The following PDZD8 variants were observed in gnomAD, a reference collection of about 807,000 sequenced individuals.
The protein encoded by PDZD8 is PDZ domain containing 8.
In PDZD8, 14 loss-of-function variants were observed where a neutral mutation model predicts 85.8. That is an observed-to-expected ratio of 0.16 (90% CI 0.11 to 0.26). The LOEUF is 0.26. PDZD8 is among the 10% of genes least tolerant of loss of function. The pLI is 1.00. For synonymous variants in PDZD8, 592 were observed against 568.6 expected (o/e 1.04, Z -0.59); for missense variants, 1,197 against 1,424.3 (o/e 0.84, Z 2.57).
intron 2 of PDZD8, among the ~76,000 whole-genome samples, chr10:117,332,629 C>T (rs992255139): frequency 7.3e-5 from 11 of 151,252 alleles, no homozygotes; most frequent in African/African-American, 2.4e-4. Flanking sequence ...GCCTCAGCCT[C>T]CCGAGTAACT....
At chr10:117,363,216 C>T (rs981699473) in intron 1 of PDZD8, among the ~76,000 whole-genome samples, 2 of 151,958 alleles carry the variant, frequency 1.3e-5, no homozygotes, top group African/African-American at 2.4e-5. Flanking sequence ...GTAGTAAGAC[C>T]GTATAGTCAG....
chr10:117,304,253 T>G (rs1345643019), intron 3 of PDZD8, among the ~76,000 whole-genome samples: 1 of 152,176 alleles, frequency 6.6e-6, no homozygotes, highest in East Asian at 1.9e-4. Flanking sequence ...GCTTTAAAAT[T>G]TGACTGCCCT....
At chr10:117,319,454 C>A (rs914705568) in intron 2 of PDZD8, among the ~76,000 whole-genome samples, 21 of 149,872 alleles carry the variant, frequency 1.4e-4, no homozygotes, top group Admixed American at 2.7e-4. Context: ...ACTAATGTGA[C>A]CTCAGGCAAA....
rs540116092 is a variant in PDZD8, at chr10:117,374,150, G to A, written c.872+206C>T. On this transcript the variant is annotated intron_variant, in intron 1 of 4. Coordinates refer to ENST00000334464, the MANE Select transcript of PDZD8 (RefSeq NM_173791.5). The surrounding 1 kb of genome is among the most constrained non-coding windows in gnomAD (Gnocchi z 7.8). ...GCACCCTGAGTCCCCATGAACACGC[G>A]AAAAGGTTTCTAGCTCCTATCAATG... Among the ~76,000 whole-genome samples the A allele has an allele frequency of 6.6e-6, 1 of 152,300 alleles. No individual in the cohort carries two copies. The highest frequency in any genetic ancestry group is 2.1e-4 in the South Asian group (1 of 4,822).
Position 117,280,691 on chromosome 10 carries a change from A to T in PDZD8, c.*2577T>A, listed in dbSNP as rs967628814. 6.6e-6 allele frequency: 1 copy of T among 152,242 alleles called. No individual in the cohort carries two copies. The highest frequency in any genetic ancestry group is 6.5e-5 in the Admixed American group (1 of 15,286). The allele number at this position is 152,242 out of a possible 1,614,324, so 9.4% of individuals were successfully genotyped here. On this transcript the variant is annotated 3_prime_UTR_variant, in exon 5 of 5. Coordinates refer to ENST00000334464, the MANE Select transcript of PDZD8 (RefSeq NM_173791.5). ...TCTCTACTGCCTCTCCCAGTGAAAT[A>T]TAAAAATATTGCACTACATTACAGA...
At chr10:117,345,993 C>T (rs947769984) in intron 1 of PDZD8, among the ~76,000 whole-genome samples, 2 of 152,056 alleles carry the variant, frequency 1.3e-5, no homozygotes, top group Admixed American at 6.5e-5. Flanking sequence ...GTAATCCCAG[C>T]ACTTTGGGAG....
At chr10:117,294,971 T>C (rs1269864721) in intron 3 of PDZD8, among the ~76,000 whole-genome samples, 1 of 152,156 alleles carries the variant, frequency 6.6e-6, no homozygotes, top group Non-Finnish European at 1.5e-5. Context: ...GTATTGTATA[T>C]TCCAAAATAG....
chr10:117,364,181 G>GGTGTGTGTGT (rs71938439), intron 1 of PDZD8, among the ~76,000 whole-genome samples: 4 of 148,984 alleles, frequency 2.7e-5, no homozygotes, highest in African/African-American at 9.9e-5. Context: ...ATAATTTATG[G>GGTGTGTGTGT]GTGTGTGTGT....
At position 117,284,419 on chromosome 10, in the gene PDZD8, G is replaced by A. The variant is rs748824647; in HGVS notation, c.2314C>T (p.Arg772Cys). The A allele has an allele frequency of 6.8e-6, 11 of 1,614,040 alleles. No homozygotes were observed. The highest frequency in any genetic ancestry group is 5.1e-6 in the Non-Finnish European group (6 of 1,180,024). The change falls in exon 5 of 5, where the codon CGC becomes TGC. Residue 772 changes from arginine (R) to cysteine (C), a missense_variant. By Grantham distance (180) the Arg-to-Cys change is radical. Coordinates refer to ENST00000334464, the MANE Select transcript of PDZD8 (RefSeq NM_173791.5). ...PKAIVTRTAL[R>C]NLSMQKGFND... ...AATCCCTTTTGCATACTCAGATTGC[G>A]TAGTGCGGTTCTAGTGACTATAGCC...
At chr10:117,295,254 T>G (rs1215074430) in intron 3 of PDZD8, among the ~76,000 whole-genome samples, 1 of 152,154 alleles carries the variant, frequency 6.6e-6, no homozygotes, top group Admixed American at 6.6e-5. Context: ...CTTATAAGCA[T>G]GTCTCTTTGC....
At chr10:117,311,409 G>A (rs989231174) in intron 3 of PDZD8, among the ~76,000 whole-genome samples, 3 of 152,134 alleles carry the variant, frequency 2.0e-5, no homozygotes, top group Admixed American at 1.3e-4. Flanking sequence ...GAAGGGTTGA[G>A]GTTGTATGAA....
At position 117,328,243 on chromosome 10, in the gene PDZD8, C is replaced by T. The variant is rs563623603; in HGVS notation, c.996-9269G>A. ...CAAGTTCCAGATTTGGTTTCTGGGA[C>T]CTAATTCCCTATGTCAGTGCTTCTT... On this transcript the variant is annotated intron_variant, in intron 2 of 4. Transcript: ENST00000334464. 3.3e-5 allele frequency among the ~76,000 whole-genome samples: 5 copies of T among 152,244 alleles called. No individual in the cohort carries two copies. The East Asian group carries it at 9.6e-4, about 29-fold the overall frequency.
At chr10:117,297,771 T>C (rs972591440) in intron 3 of PDZD8, among the ~76,000 whole-genome samples, 18 of 152,174 alleles carry the variant, frequency 1.2e-4, no homozygotes, top group African/African-American at 3.9e-4. Context: ...AATTATTCTC[T>C]ATCTTGATGA....
chr10:117,375,435 C>A lies in PDZD8; in HGVS notation c.-208G>T, dbSNP rs965535236. 19 of 255,550 alleles carry A rather than the reference C, an allele frequency of 7.4e-5. No individual in the cohort carries two copies. In the East Asian group the frequency reaches 1.1e-3, roughly 14 times the overall value. The allele number at this position is 255,550 out of a possible 1,614,324, so 15.8% of individuals were successfully genotyped here. A position where few individuals can be genotyped will look rare whatever the true frequency, so the allele number is the denominator to read the frequency against. ...GCCTCCTCAGACGCTCCCGAAGGGC[C>A]GGTGTGGCGGCGGCGGCAGCGGGGC... On this transcript the variant is annotated 5_prime_UTR_variant, in exon 1 of 5. Coordinates refer to ENST00000334464, the MANE Select transcript of PDZD8 (RefSeq NM_173791.5).
chr10:117,301,175 CAG>C (rs1054050282), intron 3 of PDZD8, among the ~76,000 whole-genome samples: 6 of 151,994 alleles, frequency 3.9e-5, no homozygotes, highest in African/African-American at 1.4e-4. Flanking sequence ...TTAGTAGAGA[CAG>C]GGTTTCACCA....
At chr10:117,317,384 A>C (rs1433383492) in intron 3 of PDZD8, among the ~76,000 whole-genome samples, 4 of 149,410 alleles carry the variant, frequency 2.7e-5, no homozygotes, top group African/African-American at 9.8e-5. Context: ...TAGGAATATT[A>C]AATTCAGACA....
chr10:117,298,359 T>C (rs557234691), intron 3 of PDZD8, among the ~76,000 whole-genome samples: 36 of 152,244 alleles, frequency 2.4e-4, no homozygotes, highest in Non-Finnish European at 3.4e-4. Context: ...TTTTAAACTC[T>C]TTGTTTTTAG....
intron 1 of PDZD8, among the ~76,000 whole-genome samples, chr10:117,359,432 T>C (rs1181301224): frequency 2.1e-5 from 3 of 145,982 alleles, no homozygotes; most frequent in Non-Finnish European, 4.5e-5. Context: ...AACAACAGGC[T>C]AGGCACGGTG....
At chr10:117,305,457 TATATACACACAC>T (rs1408432751) in intron 3 of PDZD8, among the ~76,000 whole-genome samples, 175 of 120,440 alleles carry the variant, frequency 1.5e-3, no homozygotes, top group African/African-American at 4.9e-3. Context: ...CACACACACA[TATATACACACAC>T]ATACACACAC....
Sources: allele counts gnomAD v4.1 joint callset (sites outside exome capture counted in the v4.1 genomes callset), GRCh38; gene constraint gnomAD v4.1.1; non-coding constraint Gnocchi (gnomAD v3.1); transcripts MANE v1.5; gene names NCBI Gene and HGNC (gene_info 2026-07-23, HGNC 2026-07-21).